ITSN1: variants seen among roughly 807,000 people sequenced by gnomAD.
ITSN1 encodes the protein intersectin-1.
ITSN1 carries 58 observed loss-of-function variants against 239.8 expected under a neutral mutation model. That is an observed-to-expected ratio of 0.24 (90% CI 0.20 to 0.30). The LOEUF is 0.30. ITSN1 is among the 10% of genes least tolerant of loss of function. ITSN1 has a pLI of 1.00. For synonymous variants in ITSN1, 780 were observed against 770.8 expected, an observed-to-expected ratio of 1.01 and a Z score of -0.20; for missense variants, 1,558 against 2,103.3, an observed-to-expected ratio of 0.74 and a Z score of 5.07.
At chr21:33,820,917 T>C (rs1057084553) in intron 24 of ITSN1, among the ~76,000 whole-genome samples, 4 of 152,238 alleles carry the variant, frequency 2.6e-5, no homozygotes, top group Admixed American at 2.6e-4. Flanking sequence ...CTGGAGTTTG[T>C]ATCTTGACTC....
chr21:33,762,069 C>T (rs1008518317), intron 9 of ITSN1, 83 bp downstream of exon 9: 18 of 940,642 alleles, frequency 1.9e-5, no homozygotes, highest in African/African-American at 8.2e-5. Flanking sequence ...AGATTAATAC[C>T]GTTTTTTATG....
Position 33,865,248 on chromosome 21 carries a change from A to G in ITSN1, c.3988A>G (p.Ile1330Val), listed in dbSNP as rs965833103. The change falls in exon 32 of 40, where the codon ATC becomes GTC. Residue 1330 changes from isoleucine (I) to valine (V), a missense_variant. This residue lies in a region of ITSN1 where 576 missense variants were observed against 893.3 expected (regional missense o/e 0.64). Transcript: ENST00000381318. This position sits in a 1 kb window ranked among gnomAD's most constrained non-coding sequence, Gnocchi z 4.4. ...SAQLPHMQPY[I>V]RFCSRQLNGA... ...ACAGCTGCCGCACATGCAGCCCTACATCCGCTTCTGCAGCCGCCAGCTCAA... is the reference window on the plus strand; with the variant it reads ...ACAGCTGCCGCACATGCAGCCCTACGTCCGCTTCTGCAGCCGCCAGCTCAA... 6.2e-7 allele frequency: 1 copy of G among 1,612,200 alleles called. No individual in the cohort carries two copies. Among genetic ancestry groups the G allele is most frequent in the Non-Finnish European group, 8.5e-7 (1 of 1,179,382 alleles).
intron 7 of ITSN1, among the ~76,000 whole-genome samples, chr21:33,752,253 T>A (rs1179171853): frequency 6.6e-6 from 1 of 152,168 alleles, no homozygotes; most frequent in East Asian, 1.9e-4. Flanking sequence ...TTTATGTGTT[T>A]ATGATTTACA....
intron 14 of ITSN1, among the ~76,000 whole-genome samples, chr21:33,779,872 C>T (rs2147872072): frequency 6.6e-6 from 1 of 152,104 alleles, no homozygotes; most frequent in South Asian, 2.1e-4. Context: ...CTCACTGTTG[C>T]CCAGGCTAGA....
At chr21:33,767,590 T>C (rs2068815182) in intron 10 of ITSN1, 123 bp from the exon 11 acceptor site, 3 of 485,344 alleles carry the variant, frequency 6.2e-6, no homozygotes, top group Non-Finnish European at 1.1e-5. Context: ...TATATTTTCC[T>C]TACTGTAAAT....
intron 1 of ITSN1, among the ~76,000 whole-genome samples, chr21:33,703,809 G>A (rs1165882728): frequency 6.6e-6 from 1 of 152,120 alleles, no homozygotes; most frequent in Non-Finnish European, 1.5e-5. Flanking sequence ...TGTAGGCCCT[G>A]TTGTAAAACA....
intron 5 of ITSN1, 33 bp from the exon 6 acceptor site, chr21:33,750,110 T>C (rs1264123751): frequency 1.2e-6 from 2 of 1,600,906 alleles, no homozygotes; most frequent in Admixed American, 1.7e-5. Flanking sequence ...TGTGATTGGA[T>C]GTGAATGGTG....
At chr21:33,786,563 T>TA (rs1346325690) in intron 16 of ITSN1, among the ~76,000 whole-genome samples, 1 of 152,262 alleles carries the variant, frequency 6.6e-6, no homozygotes, top group African/African-American at 2.4e-5. Context: ...TGTCAGTAGT[T>TA]ACTGTAGCAG....
chr21:33,736,265 G>A (rs909851210), intron 5 of ITSN1, among the ~76,000 whole-genome samples: 2 of 152,202 alleles, frequency 1.3e-5, no homozygotes, highest in Non-Finnish European at 2.9e-5. Context: ...AAGTGAAATA[G>A]ATTTCGGAGG....
intron 21 of ITSN1, among the ~76,000 whole-genome samples, chr21:33,812,767 G>A (rs1275027456): frequency 6.6e-6 from 1 of 152,124 alleles, no homozygotes; most frequent in African/African-American, 2.4e-5. Context: ...CCAAAGCGCT[G>A]GGATTAGAGG....
At chr21:33,777,895 C>T (rs1304867950) in intron 14 of ITSN1, among the ~76,000 whole-genome samples, 3 of 152,130 alleles carry the variant, frequency 2.0e-5, no homozygotes, top group Non-Finnish European at 4.4e-5. Flanking sequence ...AGCTCTCTCA[C>T]CATAGAGTAT....
chr21:33,716,715 C>T (rs551069365), intron 1 of ITSN1, among the ~76,000 whole-genome samples: 20 of 151,774 alleles, frequency 1.3e-4, no homozygotes, highest in African/African-American at 3.9e-4. Context: ...GTGAAAGAGA[C>T]GACCGAGACA....
chr21:33,896,939 A>G lies in ITSN1; in HGVS notation c.*8639A>G, dbSNP rs1025604464. The stretch of plus-strand genomic sequence containing the variant: ...CCTGGATTTGATTGAGTCACCTTGA[A>G]TGACATAACAAATTATGGCTTTGTT... On this transcript the variant is annotated 3_prime_UTR_variant, in exon 40 of 40. Transcript: ENST00000381318. The G allele has an allele frequency of 6.6e-6, 1 of 152,254 alleles. No individual in the cohort carries two copies. Among genetic ancestry groups the G allele is most frequent in the African/African-American group, 2.4e-5 (1 of 41,462 alleles). The allele number at this position is 152,254 out of a possible 1,614,324, so 9.4% of individuals were successfully genotyped here.
At chr21:33,885,869 C>T (rs947454737) in intron 38 of ITSN1, among the ~76,000 whole-genome samples, 6 of 152,060 alleles carry the variant, frequency 3.9e-5, no homozygotes, top group Non-Finnish European at 7.4e-5. Flanking sequence ...AGTTTCCACC[C>T]GGATTCTCCA....
intron 1 of ITSN1, among the ~76,000 whole-genome samples, chr21:33,697,894 T>C (rs1349169004): frequency 6.6e-6 from 1 of 152,212 alleles, no homozygotes; most frequent in African/African-American, 2.4e-5. Context: ...TCCAAACAAA[T>C]AGACAAACTA....
chr21:33,885,125 T>C lies in ITSN1; in HGVS notation c.4759+2T>C. The stretch of plus-strand genomic sequence containing the variant: ...AGAAGCGCGAGAAAGCGTACCTGGG[T>C]AATGCATGGCCCCGCGGGGTGTCCT... On this transcript the variant is annotated splice_donor_variant, in intron 37 of 39. Transcript: ENST00000381318. LOFTEE classifies it high-confidence loss of function. 1.2e-6 allele frequency: 2 copies of C among 1,612,748 alleles called. No homozygotes were observed. The highest frequency in any genetic ancestry group is 1.7e-6 in the Non-Finnish European group (2 of 1,178,986).
chr21:33,728,611 GCTCTAGTTC>G (rs1348571993), intron 4 of ITSN1, among the ~76,000 whole-genome samples: 2 of 152,076 alleles, frequency 1.3e-5, no homozygotes, highest in Non-Finnish European at 2.9e-5. Context: ...TAATTCAGTT[GCTCTAGTTC>G]CTCACATCGC....
chr21:33,885,189 G>A (rs774589156), intron 37 of ITSN1, 66 bp downstream of exon 37: 6 of 1,359,084 alleles, frequency 4.4e-6, no homozygotes, highest in Admixed American at 1.7e-5. Context: ...TGGCTGGGCT[G>A]AAAATCCTCA....
At chr21:33,749,527 A>T (rs1252518729) in intron 5 of ITSN1, among the ~76,000 whole-genome samples, 1 of 152,006 alleles carries the variant, frequency 6.6e-6, no homozygotes, top group African/African-American at 2.4e-5. Flanking sequence ...CTGTAATCCC[A>T]GCTATTCAGG....
Sources: gnomAD v4.1 joint callset for allele counts (sites outside exome capture counted in the v4.1 genomes callset) on GRCh38, gnomAD v4.1.1 for gene constraint, gnomAD v4.1.1 regional missense constraint, Gnocchi (gnomAD v3.1) non-coding constraint, MANE v1.5 for transcripts, NCBI Gene and HGNC (gene_info 2026-07-23, HGNC 2026-07-21) for gene names.